WDFY4: variants seen among roughly 807,000 people sequenced by gnomAD.
WDFY4 encodes the protein WDFY family member 4, also known as WD repeat- and FYVE domain-containing protein 4.
In WDFY4, 169 loss-of-function variants were observed where a neutral mutation model predicts 351.9. That is an observed-to-expected ratio of 0.48 (90% confidence interval 0.42 to 0.55). The LOEUF (loss-of-function observed/expected upper bound fraction) is 0.55, where lower values mean the gene tolerates loss of function less well. Ranked by LOEUF, WDFY4 falls within the 20% of genes least tolerant of loss-of-function variation. The pLI, the probability that WDFY4 is intolerant of heterozygous loss-of-function variation, is 0.00. For missense variants in WDFY4, 3,803 were observed against 3,935.6 expected (o/e 0.97, Z 0.90); for synonymous variants, 1,622 against 1,574.6 (o/e 1.03, Z -0.71).
chr10:48,719,833 G>A (rs955072029), intron 2 of WDFY4, among the ~76,000 whole-genome samples, 178 bp from the exon 3 acceptor site: 5 of 152,216 alleles, frequency 3.3e-5, no homozygotes, highest in African/African-American at 4.8e-5. Flanking sequence ...ATCTGGAGGC[G>A]TTGGTATAGG....
intron 39 of WDFY4, among the ~76,000 whole-genome samples, chr10:48,852,617 C>A (rs911640859): frequency 1.3e-5 from 2 of 152,164 alleles, no homozygotes; most frequent in Non-Finnish European, 2.9e-5. Flanking sequence ...CATTTTGCCT[C>A]CTACTCCACT....
At chr10:48,941,700 T>C in intron 47 of WDFY4, 106 bp from the exon 48 acceptor site, 11 of 1,202,162 alleles carry the variant, frequency 9.2e-6, no homozygotes, top group Non-Finnish European at 1.2e-5. Context: ...GTCTGCAGCT[T>C]TCCTGAACAC....
chr10:48,691,131 AT>A (rs1458708226), intron 1 of WDFY4, among the ~76,000 whole-genome samples: 1 of 152,122 alleles, frequency 6.6e-6, no homozygotes, highest in Non-Finnish European at 1.5e-5. Flanking sequence ...CCAGGCCAGA[AT>A]TTGGGACAGG....
intron 44 of WDFY4, among the ~76,000 whole-genome samples, chr10:48,893,739 C>T (rs1836931881): frequency 6.6e-6 from 1 of 152,166 alleles, no homozygotes; most frequent in Non-Finnish European, 1.5e-5. Context: ...TGGGCCAAAT[C>T]GAAGTATGTT....
intron 47 of WDFY4, among the ~76,000 whole-genome samples, chr10:48,940,088 G>A (rs1840674482): frequency 6.6e-6 from 1 of 152,224 alleles, no homozygotes; most frequent in African/African-American, 2.4e-5. Context: ...AACTCCACAT[G>A]CTCATGGCTC....
At chr10:48,971,635 C>T (rs1038361054) in intron 57 of WDFY4, among the ~76,000 whole-genome samples, 3 of 152,208 alleles carry the variant, frequency 2.0e-5, no homozygotes, top group African/African-American at 7.2e-5. Context: ...TTTCAAGCCA[C>T]TTCTGTCACC....
At position 48,926,254 on chromosome 10, in the gene WDFY4, G is replaced by A. The variant is rs917076593; in HGVS notation, c.7587-15552G>A. Among the ~76,000 whole-genome samples the A allele has an allele frequency of 1.3e-4, 20 of 152,302 alleles. 1 individual carries two copies. Among genetic ancestry groups the A allele is most frequent in the African/African-American group, 4.8e-4 (20 of 41,560 alleles). Reference sequence around the variant, plus strand: ...TAAGGAAGGCCACTAGCCCCTCCATGGCCCCAGGCCCCAGGAAGGGTGTTC... The same window carrying A: ...TAAGGAAGGCCACTAGCCCCTCCATAGCCCCAGGCCCCAGGAAGGGTGTTC... On this transcript the variant is annotated intron_variant, in intron 47 of 61. Transcript: ENST00000325239.
intron 39 of WDFY4, among the ~76,000 whole-genome samples, chr10:48,841,288 A>C (rs527926602): frequency 6.6e-6 from 1 of 152,250 alleles, no homozygotes; most frequent in African/African-American, 2.4e-5. Context: ...TTGTTACTGC[A>C]CTTTGTGCTT....
At chr10:48,879,816 C>A (rs2070174169) in intron 43 of WDFY4, among the ~76,000 whole-genome samples, 1 of 152,170 alleles carries the variant, frequency 6.6e-6, no homozygotes, top group Non-Finnish European at 1.5e-5. Context: ...GGCCCTTCCT[C>A]CTTTCATTTC....
At chr10:48,922,045 G>A (rs2133592124) in intron 47 of WDFY4, among the ~76,000 whole-genome samples, 1 of 152,182 alleles carries the variant, frequency 6.6e-6, no homozygotes, top group Non-Finnish European at 1.5e-5. Flanking sequence ...ATTCATAATT[G>A]CCCCAAACAG....
At chr10:48,896,111 G>A (rs1324570508) in intron 44 of WDFY4, among the ~76,000 whole-genome samples, 4 of 152,192 alleles carry the variant, frequency 2.6e-5, no homozygotes, top group African/African-American at 4.8e-5. Flanking sequence ...CTGAGCAATC[G>A]CTTCAGAATT....
chr10:48,918,605 A>T (rs1374113673), intron 47 of WDFY4, among the ~76,000 whole-genome samples: 1 of 152,244 alleles, frequency 6.6e-6, no homozygotes, highest in African/African-American at 2.4e-5. Flanking sequence ...GGAAAAATGG[A>T]TAAATTTACC....
intron 7 of WDFY4, among the ~76,000 whole-genome samples, chr10:48,728,959 G>A (rs2064361803): frequency 6.6e-6 from 1 of 152,216 alleles, no homozygotes; most frequent in Non-Finnish European, 1.5e-5. Context: ...GCTGGAATAA[G>A]ACTTGAGATG....
At chr10:48,817,144 A>G in intron 31 of WDFY4, 101 bp from the exon 32 acceptor site, 1 of 1,337,472 alleles carries the variant, frequency 7.5e-7, no homozygotes, top group Non-Finnish European at 1.0e-6. Context: ...TCTTGTTGAA[A>G]GTCTCAGGAA....
At position 48,889,177 on chromosome 10, in the gene WDFY4, C is replaced by T. The variant is rs2070586776; in HGVS notation, c.7168-1402C>T. ...AGAATAGACCAAGAAAGCCAGCTACCTTCACCAACCTTGTTTACAGAAACA... is the reference window on the plus strand; with the variant it reads ...AGAATAGACCAAGAAAGCCAGCTACTTTCACCAACCTTGTTTACAGAAACA... On this transcript the variant is annotated intron_variant, in intron 43 of 61. Coordinates refer to ENST00000325239, the MANE Select transcript of WDFY4 (RefSeq NM_001394531.1). Among the ~76,000 whole-genome samples the T allele has an allele frequency of 2.0e-5, 3 of 152,216 alleles. No individual in the cohort carries two copies. In the South Asian group the frequency reaches 6.2e-4, roughly 32 times the overall value.
chr10:48,790,018 G>C, intron 22 of WDFY4, 33 bp downstream of exon 22: 2 of 1,546,204 alleles, frequency 1.3e-6, no homozygotes, highest in Non-Finnish European at 1.8e-6. Flanking sequence ...GCCGCTATTT[G>C]GGAAGCAGGG....
intron 13 of WDFY4, among the ~76,000 whole-genome samples, chr10:48,768,380 C>T (rs1410806077): frequency 1.3e-5 from 2 of 151,918 alleles, no homozygotes; most frequent in African/African-American, 2.4e-5. Context: ...CCCGAGGGCC[C>T]GAATGTTGCA....
chr10:48,835,418 T>C (rs2068351206), intron 39 of WDFY4, among the ~76,000 whole-genome samples: 1 of 152,062 alleles, frequency 6.6e-6, no homozygotes, highest in South Asian at 2.1e-4. Flanking sequence ...GAGAGGACAG[T>C]TGGGCAATGG....
chr10:48,715,774 G>A (rs12266115), intron 2 of WDFY4, among the ~76,000 whole-genome samples: 9,769 of 151,406 alleles, frequency 0.065, 636 homozygotes, highest in African/African-American at 0.17. Flanking sequence ...TACAGGCGCC[G>A]GCCACCACTC....
Sources: gnomAD v4.1 joint callset for allele counts (sites outside exome capture counted in the v4.1 genomes callset) on GRCh38, gnomAD v4.1.1 for gene constraint, MANE v1.5 for transcripts, NCBI Gene and HGNC (gene_info 2026-07-23, HGNC 2026-07-21) for gene names.